The following ARMC3 variants were observed in gnomAD, a reference collection of about 807,000 sequenced individuals.
ARMC3 encodes the protein armadillo repeat-containing protein 3.
Under a neutral mutation model 90.3 loss-of-function variants are expected in ARMC3, and 74 were observed. The ratio of observed to expected loss-of-function variants is 0.82; its 90% CI spans 0.68 to 0.99. The LOEUF is 0.99. Among genes scored for constraint, ARMC3 ranks in the 50% least tolerant of loss-of-function variants. ARMC3 has a pLI of 0.00. For synonymous variants in ARMC3, 334 were observed against 361.8 expected (o/e 0.92, Z 0.87); for missense variants, 958 against 1,042.8 (o/e 0.92, Z 1.12).
chr10:22,957,429 A>G (rs1236388708), intron 4 of ARMC3, among the ~76,000 whole-genome samples: 1 of 152,172 alleles, frequency 6.6e-6, no homozygotes, highest in Non-Finnish European at 1.5e-5. Context: ...AGTGGAAGGC[A>G]GTGACTTTGA....
chr10:22,947,149 T>C (rs919375694), intron 3 of ARMC3, among the ~76,000 whole-genome samples: 3 of 151,812 alleles, frequency 2.0e-5, no homozygotes, highest in African/African-American at 7.3e-5. Context: ...CTACAAAAAA[T>C]AGAAACATTA....
At chr10:23,011,673 C>T (rs1838019630) in intron 16 of ARMC3, among the ~76,000 whole-genome samples, 1 of 152,152 alleles carries the variant, frequency 6.6e-6, no homozygotes, top group Non-Finnish European at 1.5e-5. Flanking sequence ...TGCTTCCTTG[C>T]TTGCTTTTTT....
At chr10:23,029,595 A>G (rs1034401054) in intron 16 of ARMC3, among the ~76,000 whole-genome samples, 3 of 152,226 alleles carry the variant, frequency 2.0e-5, no homozygotes, top group African/African-American at 7.2e-5. Context: ...TATTCAAAAA[A>G]GATTGCTGAA....
chr10:22,985,046 A>ATTTTTTTT (rs535085393), intron 10 of ARMC3, among the ~76,000 whole-genome samples: 1 of 83,610 alleles, frequency 1.2e-5, no homozygotes, highest in Non-Finnish European at 2.3e-5. Flanking sequence ...TTAATTTTTC[A>ATTTTTTTT]TTTTTTTTTT....
intron 7 of ARMC3, among the ~76,000 whole-genome samples, chr10:22,966,244 T>C (rs971891340): frequency 2.0e-5 from 3 of 152,240 alleles, no homozygotes; most frequent in Non-Finnish European, 4.4e-5. Flanking sequence ...TGGTCACCTG[T>C]GGCTCCTCTG....
chr10:23,034,668 C>A (rs565306503), intron 18 of ARMC3, among the ~76,000 whole-genome samples: 1 of 152,144 alleles, frequency 6.6e-6, no homozygotes, highest in East Asian at 1.9e-4. Context: ...ATCTGGCTTT[C>A]GCTCCCACTC....
At chr10:22,999,709 G>A (rs1446150170) in intron 11 of ARMC3, among the ~76,000 whole-genome samples, 2 of 152,204 alleles carry the variant, frequency 1.3e-5, no homozygotes, top group African/African-American at 4.8e-5. Flanking sequence ...TCAGGGATAT[G>A]AGAACACATC....
At chr10:23,031,597 A>G (rs778986698) in intron 17 of ARMC3, among the ~76,000 whole-genome samples, 1 of 152,212 alleles carries the variant, frequency 6.6e-6, no homozygotes, top group Non-Finnish European at 1.5e-5. Flanking sequence ...CTGGAAGAGA[A>G]CATTTTTGGC....
intron 7 of ARMC3, 48 bp downstream of exon 7, chr10:22,962,126 C>A (rs1477663247): frequency 1.5e-6 from 2 of 1,335,388 alleles, no homozygotes; most frequent in Non-Finnish European, 2.0e-6. Flanking sequence ...TGTATCTCTC[C>A]CAAATGTTTA....
intron 16 of ARMC3, among the ~76,000 whole-genome samples, chr10:23,012,898 T>C (rs1194106307): frequency 6.6e-6 from 1 of 150,500 alleles, no homozygotes; most frequent in Non-Finnish European, 1.5e-5. Flanking sequence ...CCTTTTTTTT[T>C]TTTTTTTTTG....
intron 18 of ARMC3, among the ~76,000 whole-genome samples, chr10:23,034,333 C>T (rs1019164301): frequency 6.6e-6 from 1 of 152,144 alleles, no homozygotes; most frequent in Non-Finnish European, 1.5e-5. Context: ...CAATTACTAC[C>T]TTAAATCCTA....
In ARMC3 at chr10:22,937,673, C is replaced by T. The variant is rs536028709; in HGVS notation, c.48+5629C>T. On this transcript the variant is annotated intron_variant, in intron 2 of 18. Coordinates refer to ENST00000298032, the MANE Select transcript of ARMC3 (RefSeq NM_173081.5). ...TCACATAGAGAATGTACCTTCAAAG[C>T]CTACTGATAGCTCCATGGACCTCAG... 7.6e-4 allele frequency among the ~76,000 whole-genome samples: 115 copies of T among 152,276 alleles called. 1 individual carries two copies. Among genetic ancestry groups the T allele is most frequent in the African/African-American group, 2.3e-3 (96 of 41,552 alleles).
chr10:23,016,271 G>T (rs1456467688), intron 16 of ARMC3, among the ~76,000 whole-genome samples: 1 of 152,190 alleles, frequency 6.6e-6, no homozygotes, highest in Non-Finnish European at 1.5e-5. Flanking sequence ...TTCATGACCT[G>T]TATTTCTCCC....
chr10:22,960,562 G>A (rs909103526), intron 6 of ARMC3: 9 of 152,064 alleles, frequency 5.9e-5, no homozygotes, highest in Non-Finnish European at 1.5e-5. Flanking sequence ...TACCTCATTT[G>A]ATTAAATATT....
At chr10:23,030,966 G>A (rs1435073050) in intron 17 of ARMC3, 170 bp downstream of exon 17, 12 of 696,256 alleles carry the variant, frequency 1.7e-5, no homozygotes, top group Non-Finnish European at 2.2e-6. Flanking sequence ...TTCTATTTAG[G>A]TCATACGTTC....
intron 11 of ARMC3, among the ~76,000 whole-genome samples, chr10:23,000,924 T>A (rs1485830968): frequency 1.3e-5 from 2 of 152,222 alleles, no homozygotes; most frequent in African/African-American, 4.8e-5. Flanking sequence ...CCAATCTTTT[T>A]TTTTTCTGAT....
rs1249901871 is a variant in ARMC3, at chr10:22,968,520, G to A, written c.916+31G>A. 8.5e-6 allele frequency: 13 copies of A among 1,521,462 alleles called. No individual in the cohort carries two copies. The African/African-American group carries it at 1.5e-4, about 18-fold the overall frequency. The allele number at this position is 1,521,462 out of a possible 1,614,324, so 94.2% of individuals were successfully genotyped here. ...TCTCATTTTATTTTATTTATTTTGAGATAGGATCTTGCTCTGTTTCTCAGG... is the reference window on the plus strand; with the variant it reads ...TCTCATTTTATTTTATTTATTTTGAAATAGGATCTTGCTCTGTTTCTCAGG... On this transcript the variant is annotated intron_variant, in intron 8 of 18. Coordinates refer to ENST00000298032, the MANE Select transcript of ARMC3 (RefSeq NM_173081.5).
At chr10:22,972,604 T>C (rs1203265171) in intron 8 of ARMC3, among the ~76,000 whole-genome samples, 2 of 152,206 alleles carry the variant, frequency 1.3e-5, no homozygotes. Flanking sequence ...ATTTACTTCA[T>C]ATATGTCATC....
intron 16 of ARMC3, among the ~76,000 whole-genome samples, chr10:23,019,155 CTCCTT>C (rs1039392458): frequency 1.3e-5 from 2 of 152,210 alleles, no homozygotes; most frequent in Non-Finnish European, 2.9e-5. Flanking sequence ...CGATGATTGT[CTCCTT>C]TGCTACTGAA....
Sources: gnomAD v4.1 joint callset for allele counts (sites outside exome capture counted in the v4.1 genomes callset) on GRCh38, gnomAD v4.1.1 for gene constraint, MANE v1.5 for transcripts, NCBI Gene and HGNC (gene_info 2026-07-23, HGNC 2026-07-21) for gene names.